The following FGF14 variants were observed in gnomAD, a reference collection of about 807,000 sequenced individuals.
The protein encoded by FGF14 is fibroblast growth factor homologous factor 4.
A neutral mutation model predicts 25.5 loss-of-function variants in FGF14; 5 were observed. The observed-to-expected ratio is 0.20, with a 90% CI of 0.10 to 0.41. The LOEUF is 0.41. FGF14 is among the 10% of genes least tolerant of loss of function. The pLI, the probability that FGF14 is intolerant of heterozygous loss-of-function variation, is 1.00. For missense variants in FGF14, 222 were observed against 320.1 expected (o/e 0.69, Z 2.34); for synonymous variants, 138 against 118.3 (o/e 1.17, Z -1.08).
intron 1 of FGF14, among the ~76,000 whole-genome samples, chr13:102,312,687 GA>G (rs1456165580): frequency 3.3e-5 from 5 of 152,148 alleles, no homozygotes; most frequent in African/African-American, 1.2e-4. Context: ...AAAAATATAA[GA>G]ATTAGAACTT....
intron 1 of FGF14, among the ~76,000 whole-genome samples, chr13:102,275,643 T>C (rs1476486314): frequency 2.0e-5 from 3 of 151,758 alleles, no homozygotes; most frequent in Non-Finnish European, 4.4e-5. Context: ...TCTCAGACTT[T>C]TATGCCTAAT....
chr13:102,240,160 G>C (rs2051523033), intron 1 of FGF14, among the ~76,000 whole-genome samples: 1 of 152,084 alleles, frequency 6.6e-6, no homozygotes, highest in Admixed American at 6.6e-5. Flanking sequence ...GCATCATAGG[G>C]AGAAAATGCT....
At chr13:102,001,360 C>T (rs970691633) in intron 1 of FGF14, among the ~76,000 whole-genome samples, 2 of 152,124 alleles carry the variant, frequency 1.3e-5, no homozygotes, top group Non-Finnish European at 2.9e-5. Flanking sequence ...GATGGATGCT[C>T]ACCAAGAAAG....
In FGF14 at chr13:102,315,656, C is replaced by T. The variant is rs369509852; in HGVS notation, c.208+85815G>A. Among the ~76,000 whole-genome samples, 253 of 152,110 alleles carry T rather than the reference C, an allele frequency of 1.7e-3. 2 individuals are homozygous for T. The highest frequency in any genetic ancestry group is 5.6e-3 in the African/African-American group (233 of 41,494). On this transcript the variant is annotated intron_variant, in intron 1 of 4. Transcript: ENST00000376131. ...ATCCTTCTTGAAATAGTTGAGGATC[C>T]CCTAGCATTTCACAAAACAAGAGTT... is the stretch of plus-strand genomic sequence containing the variant.
Position 102,332,225 on chromosome 13 carries a change from T to C in FGF14, c.208+69246A>G, listed in dbSNP as rs1051668409. Among the ~76,000 whole-genome samples the C allele has an allele frequency of 2.0e-5, 3 of 152,232 alleles. 1 individual carries two copies. On this transcript the variant is annotated intron_variant, in intron 1 of 4. Transcript: ENST00000376131. ...GACTCCCAGAGCTGTGGTAGGACAGTGGATCCTAAAGATCACATTCTATTT... is the reference window on the plus strand; with the variant it reads ...GACTCCCAGAGCTGTGGTAGGACAGCGGATCCTAAAGATCACATTCTATTT...
intron 3 of FGF14, among the ~76,000 whole-genome samples, chr13:101,832,702 T>G (rs1442950188): frequency 6.6e-6 from 1 of 152,018 alleles, no homozygotes; most frequent in African/African-American, 2.4e-5. Context: ...ACCCTGGCAG[T>G]GGGACCACTG....
intron 1 of FGF14, among the ~76,000 whole-genome samples, chr13:102,109,844 TC>T (rs1026257605): frequency 9.9e-5 from 15 of 152,178 alleles, no homozygotes; most frequent in Non-Finnish European, 2.1e-4. Context: ...GGTCTCGAAC[TC>T]CCGACCTCAG....
chr13:101,933,207 A>G (rs1236585679), intron 1 of FGF14, among the ~76,000 whole-genome samples: 1 of 152,160 alleles, frequency 6.6e-6, no homozygotes, highest in Non-Finnish European at 1.5e-5. Context: ...AAACTAACCA[A>G]AGTTATCGAT....
chr13:102,223,277 C>G (rs1285389218), intron 1 of FGF14, among the ~76,000 whole-genome samples: 1 of 152,106 alleles, frequency 6.6e-6, no homozygotes, highest in Non-Finnish European at 1.5e-5. Flanking sequence ...AGACAGGTAT[C>G]TGGTTTGGGG....
chr13:101,977,184 C>T (rs1410933288), intron 1 of FGF14, among the ~76,000 whole-genome samples: 1 of 137,620 alleles, frequency 7.3e-6, no homozygotes, highest in East Asian at 3.0e-4. Context: ...CATGAGGATC[C>T]CTCATGCCCA....
chr13:101,902,192 G>A (rs1391164988), intron 1 of FGF14, among the ~76,000 whole-genome samples: 3 of 152,138 alleles, frequency 2.0e-5, no homozygotes, highest in South Asian at 2.1e-4. Flanking sequence ...TACAAGAGTA[G>A]GCAAGGTCCC....
intron 3 of FGF14, among the ~76,000 whole-genome samples, chr13:101,862,267 CTCT>C (rs891225682): frequency 1.3e-5 from 2 of 152,008 alleles, no homozygotes; most frequent in Admixed American, 6.6e-5. Flanking sequence ...TCTCTCCTTT[CTCT>C]TCTTTTCTCT....
chr13:101,884,808 T>C, intron 1 of FGF14, among the ~76,000 whole-genome samples: 1 of 151,824 alleles, frequency 6.6e-6, no homozygotes. Context: ...TAAAAAGCAC[T>C]AGTTTAGGAT....
At chr13:101,750,459 AAC>A (rs1020381393) in intron 3 of FGF14, among the ~76,000 whole-genome samples, 5 of 152,198 alleles carry the variant, frequency 3.3e-5, no homozygotes, top group African/African-American at 4.8e-5. Context: ...TACATACACA[AAC>A]ACATATTTTG....
At chr13:101,965,260 A>ACC (rs34617160) in intron 1 of FGF14, among the ~76,000 whole-genome samples, 1 of 150,692 alleles carries the variant, frequency 6.6e-6, no homozygotes, top group African/African-American at 2.4e-5. Context: ...AAAAAAAAAA[A>ACC]ACCTCCTCTT....
intron 1 of FGF14, among the ~76,000 whole-genome samples, chr13:102,157,869 C>T (rs1594195299): frequency 6.6e-6 from 1 of 152,186 alleles, no homozygotes; most frequent in Non-Finnish European, 1.5e-5. Flanking sequence ...AAGATATGAA[C>T]AGACACTTCT....
At chr13:102,170,173 G>C (rs1257767836) in intron 1 of FGF14, among the ~76,000 whole-genome samples, 2 of 152,064 alleles carry the variant, frequency 1.3e-5, no homozygotes, top group Non-Finnish European at 2.9e-5. Context: ...AAAACTCTGA[G>C]ATGTGGCTGG....
At chr13:102,107,063 T>C (rs1449746574) in intron 1 of FGF14, among the ~76,000 whole-genome samples, 1 of 152,208 alleles carries the variant, frequency 6.6e-6, no homozygotes, top group Non-Finnish European at 1.5e-5. Context: ...TCTTTGATGT[T>C]TGGGCTTATT....
At chr13:101,794,696 T>G (rs1318184409) in intron 3 of FGF14, among the ~76,000 whole-genome samples, 1 of 152,126 alleles carries the variant, frequency 6.6e-6, no homozygotes, top group Non-Finnish European at 1.5e-5. Flanking sequence ...CAACTGAATA[T>G]TCTAATGTCT....
Sources: gnomAD v4.1 joint callset for allele counts (sites outside exome capture counted in the v4.1 genomes callset) on GRCh38, gnomAD v4.1.1 for gene constraint, MANE v1.5 for transcripts, NCBI Gene and HGNC (gene_info 2026-07-23, HGNC 2026-07-21) for gene names.